CYP4F22: variants seen among roughly 807,000 people sequenced by gnomAD.
CYP4F22 encodes ultra-long-chain fatty acid omega-hydroxylase.
In CYP4F22, 37 loss-of-function variants were observed where a neutral mutation model predicts 60.4. The observed-to-expected ratio is 0.61, with a 90% CI of 0.47 to 0.81. CYP4F22 has a LOEUF of 0.81. CYP4F22 is among the 30% of genes least tolerant of loss of function. CYP4F22 has a pLI of 0.00. For synonymous variants in CYP4F22, 258 were observed against 280.5 expected, an observed-to-expected ratio of 0.92 and a Z score of 0.80; for missense variants, 655 against 715.0, an observed-to-expected ratio of 0.92 and a Z score of 0.96.
chr19:15,551,253 A>G (rs1352085920), intron 13 of CYP4F22, 41 bp from the exon 14 acceptor site: 1 of 1,595,088 alleles, frequency 6.3e-7, no homozygotes, highest in African/African-American at 1.3e-5. Context: ...ACCAGTGCTC[A>G]CACAGAAGCT....
chr19:15,518,873 C>T (rs1336836496), intron 1 of CYP4F22, among the ~76,000 whole-genome samples: 4 of 151,820 alleles, frequency 2.6e-5, no homozygotes, highest in Admixed American at 2.0e-4. Context: ...CTCAGGGGAC[C>T]AGTGGGAACG....
intron 8 of CYP4F22, 49 bp downstream of exon 8, chr19:15,540,766 C>T (rs776613630): frequency 9.5e-5 from 34 of 358,836 alleles, no homozygotes; most frequent in African/African-American, 5.3e-4. Flanking sequence ...GCTGGCCTCC[C>T]GAGGAATTGC....
intron 4 of CYP4F22, among the ~76,000 whole-genome samples, chr19:15,530,154 C>T (rs1175458613): frequency 2.0e-5 from 3 of 152,126 alleles, no homozygotes; most frequent in Non-Finnish European, 2.9e-5. Context: ...TTACTCAATC[C>T]CTGGCCGTGG....
chr19:15,509,069 T>G (rs73512616), intron 1 of CYP4F22, among the ~76,000 whole-genome samples: 10 of 152,002 alleles, frequency 6.6e-5, no homozygotes, highest in African/African-American at 2.4e-4. Context: ...GGCTTGTGGT[T>G]CAACTGCTAT....
chr19:15,545,383 C>G (rs533777711), intron 10 of CYP4F22, among the ~76,000 whole-genome samples: 1 of 152,044 alleles, frequency 6.6e-6, no homozygotes, highest in Non-Finnish European at 1.5e-5. Context: ...CGTGGTGGCT[C>G]ATGCCTGTAA....
chr19:15,542,503 C>T (rs193074850), intron 8 of CYP4F22, among the ~76,000 whole-genome samples: 13 of 152,290 alleles, frequency 8.5e-5, no homozygotes, highest in Admixed American at 2.6e-4. Context: ...CGCCACTGCA[C>T]TCCAATCTGG....
chr19:15,529,663 G>T (rs375394668), intron 3 of CYP4F22, 46 bp from the exon 4 acceptor site: 370 of 1,611,580 alleles, frequency 2.3e-4, no homozygotes, highest in Non-Finnish European at 2.9e-4. Context: ...AGTGGGGGAA[G>T]CTGGGGCTGG....
chr19:15,515,554 G>A (rs368939737), intron 1 of CYP4F22: 69 of 558,086 alleles, frequency 1.2e-4, no homozygotes, highest in East Asian at 4.7e-4. Context: ...GTGACACCCC[G>A]TCTCTACTAA....
chr19:15,517,511 C>A (rs1971170005), intron 1 of CYP4F22, among the ~76,000 whole-genome samples: 1 of 152,218 alleles, frequency 6.6e-6, no homozygotes, highest in South Asian at 2.1e-4. Context: ...TCCCCATGTA[C>A]CCAGCCACCT....
At chr19:15,528,233 G>T (rs1971303752) in intron 3 of CYP4F22, among the ~76,000 whole-genome samples, 1 of 152,124 alleles carries the variant, frequency 6.6e-6, no homozygotes, top group South Asian at 2.1e-4. Flanking sequence ...CAGGAGAATT[G>T]CTTGAGCCCG....
chr19:15,548,462 G>T (rs971216671), intron 11 of CYP4F22, among the ~76,000 whole-genome samples: 1 of 152,170 alleles, frequency 6.6e-6, no homozygotes, highest in South Asian at 2.1e-4. Context: ...AGGCAGTGTC[G>T]CAGGGATGGG....
At chr19:15,516,415 G>T (rs767891498) in intron 1 of CYP4F22, among the ~76,000 whole-genome samples, 1 of 152,192 alleles carries the variant, frequency 6.6e-6, no homozygotes, top group African/African-American at 2.4e-5. Context: ...TTTAGATTGT[G>T]AGGTCTTGCT....
intron 1 of CYP4F22, among the ~76,000 whole-genome samples, chr19:15,518,296 C>A (rs1971177883): frequency 3.3e-5 from 5 of 151,860 alleles, no homozygotes; most frequent in Admixed American, 2.6e-4. Flanking sequence ...ATGATTGCAC[C>A]ACTGCACTTC....
chr19:15,525,446 G>A lies in CYP4F22; in HGVS notation c.110G>A (p.Arg37His), dbSNP rs746979996. ...CTCTTCCTGCTCTTCTTCCTGTTCC[G>A]CCTGCTGCTGCGGTTCCTGAGGCTC... is the stretch of plus-strand genomic sequence containing the variant. ...LLLFLLFFLF[R>H]LLLRFLRLCR... Residue 37 changes from arginine (R) to histidine (H), a missense_variant, in exon 3 of 14, where the codon CGC becomes CAC. Coordinates refer to ENST00000269703, the MANE Select transcript of CYP4F22 (RefSeq NM_173483.4). 12 of 1,614,100 alleles carry A rather than the reference G, an allele frequency of 7.4e-6. No individual in the cohort carries two copies. Among genetic ancestry groups the A allele is most frequent in the South Asian group, 5.5e-5 (5 of 91,078 alleles).
intron 4 of CYP4F22, among the ~76,000 whole-genome samples, chr19:15,530,960 G>T (rs1007272840): frequency 2.0e-5 from 3 of 152,164 alleles, no homozygotes; most frequent in Non-Finnish European, 4.4e-5. Flanking sequence ...AGCTCCAGTA[G>T]GTCAGGCATG....
At chr19:15,519,290 T>G (rs1599790833) in intron 1 of CYP4F22, among the ~76,000 whole-genome samples, 3 of 145,616 alleles carry the variant, frequency 2.1e-5, no homozygotes, top group African/African-American at 2.6e-5. Flanking sequence ...TGAGACAGAG[T>G]CTCACTCTGT....
At chr19:15,529,918 A>G in intron 4 of CYP4F22, 65 bp downstream of exon 4, 1 of 1,607,364 alleles carries the variant, frequency 6.2e-7, no homozygotes, top group Non-Finnish European at 8.5e-7. Flanking sequence ...CTGAGATTCT[A>G]GGCAGGTGGG....
At chr19:15,536,916 G>C (rs1172842913) in intron 4 of CYP4F22, among the ~76,000 whole-genome samples, 1 of 152,150 alleles carries the variant, frequency 6.6e-6, no homozygotes, top group African/African-American at 2.4e-5. Context: ...TCTCGGGTAG[G>C]TGTGGAGGAC....
intron 1 of CYP4F22, among the ~76,000 whole-genome samples, chr19:15,511,957 A>G (rs1471938041): frequency 2.6e-5 from 4 of 152,134 alleles, no homozygotes; most frequent in Admixed American, 2.0e-4. Flanking sequence ...GGGCAGGGCC[A>G]CCTCTACCAA....
Sources: gnomAD v4.1 joint callset for allele counts (sites outside exome capture counted in the v4.1 genomes callset) on GRCh38, gnomAD v4.1.1 for gene constraint, MANE v1.5 for transcripts, NCBI Gene and HGNC (gene_info 2026-07-23, HGNC 2026-07-21) for gene names.